The following TRPM1 variants were observed in gnomAD, a reference collection of about 807,000 sequenced individuals.
The protein encoded by TRPM1 is TRPM1-203 APA Isoform, Intron 10.
Under a neutral mutation model 149.4 loss-of-function variants are expected in TRPM1, and 113 were observed. The ratio of observed to expected loss-of-function variants is 0.76; its 90% CI spans 0.65 to 0.88. The LOEUF is 0.88. TRPM1 is among the 40% of genes least tolerant of loss of function. The probability of loss-of-function intolerance (pLI) is 0.00; values close to 1 mark genes in which losing one functional copy is unlikely to be tolerated. For missense variants in TRPM1, 1,976 were observed against 2,038.7 expected, an observed-to-expected ratio of 0.97 and a Z score of 0.59; for synonymous variants, 741 against 759.5, an observed-to-expected ratio of 0.98 and a Z score of 0.40.
At chr15:31,144,120 T>G (rs8033503) in intron 1 of TRPM1, among the ~76,000 whole-genome samples, 22,409 of 152,172 alleles carry the variant, frequency 0.15, 1,856 homozygotes, top group African/African-American at 0.23. Flanking sequence ...GCCTTGGTTC[T>G]GCTTCCTAGT....
At chr15:31,065,254 CT>C in intron 7 of TRPM1, 1 of 413,852 alleles carries the variant, frequency 2.4e-6, no homozygotes, top group Middle Eastern at 4.5e-4. Flanking sequence ...AAATCTACAA[CT>C]TTTCCTAGTA....
intron 7 of TRPM1, 73 bp downstream of exon 7, chr15:31,066,003 A>G (rs2034363330): frequency 6.4e-7 from 1 of 1,551,900 alleles, no homozygotes; most frequent in East Asian, 2.3e-5. Context: ...TGGGCAATCA[A>G]TCTCCTTCTC....
chr15:31,092,183 G>C (rs534983098), intron 1 of TRPM1, among the ~76,000 whole-genome samples: 1 of 152,256 alleles, frequency 6.6e-6, no homozygotes, highest in East Asian at 1.9e-4. Flanking sequence ...GGAGCTCTGG[G>C]GAAAATGCTC....
intron 1 of TRPM1, among the ~76,000 whole-genome samples, chr15:31,131,911 C>G (rs900873138): frequency 7.3e-5 from 11 of 151,552 alleles, no homozygotes; most frequent in African/African-American, 2.2e-4. Flanking sequence ...AAAATGACAG[C>G]TTGGTTAAAA....
At chr15:31,044,228 A>G (rs1198651090) in intron 16 of TRPM1, among the ~76,000 whole-genome samples, 1 of 152,238 alleles carries the variant, frequency 6.6e-6, no homozygotes, top group East Asian at 1.9e-4. Flanking sequence ...AATGCTCAGA[A>G]CAATTTATAC....
chr15:31,073,083 C>G (rs554272607), intron 3 of TRPM1, among the ~76,000 whole-genome samples: 15 of 152,120 alleles, frequency 9.9e-5, no homozygotes, highest in African/African-American at 3.4e-4. Context: ...AATCATTTGC[C>G]AAATCCCAGG....
chr15:31,146,670 T>A (rs1048458899), intron 1 of TRPM1, among the ~76,000 whole-genome samples: 1 of 152,174 alleles, frequency 6.6e-6, no homozygotes, highest in African/African-American at 2.4e-5. Flanking sequence ...GGTCCCTGCA[T>A]TACAAGGAAA....
chr15:31,039,643 A>G (rs138718318), intron 18 of TRPM1, among the ~76,000 whole-genome samples: 1 of 152,208 alleles, frequency 6.6e-6, no homozygotes, highest in African/African-American at 2.4e-5. Flanking sequence ...ACCCTTTCGT[A>G]GCTTCCTATT....
chr15:31,139,795 G>T (rs954727548), intron 1 of TRPM1, among the ~76,000 whole-genome samples: 1 of 152,168 alleles, frequency 6.6e-6, no homozygotes, highest in Non-Finnish European at 1.5e-5. Flanking sequence ...TTGAGATGAT[G>T]GCTAACTTTG....
At chr15:31,133,262 A>T (rs1488083316) in intron 1 of TRPM1, among the ~76,000 whole-genome samples, 1 of 151,180 alleles carries the variant, frequency 6.6e-6, no homozygotes, top group Non-Finnish European at 1.5e-5. Flanking sequence ...AAGTGGCAAA[A>T]ACCTGTCTCT....
chr15:31,139,179 T>C (rs779427657), intron 1 of TRPM1, among the ~76,000 whole-genome samples: 2 of 152,164 alleles, frequency 1.3e-5, no homozygotes, highest in East Asian at 3.8e-4. Flanking sequence ...ATAACTCTTG[T>C]CCCATGAAAA....
intron 27 of TRPM1, among the ~76,000 whole-genome samples, chr15:31,010,825 T>C (rs149251642): frequency 1.3e-5 from 2 of 152,340 alleles, no homozygotes; most frequent in Non-Finnish European, 2.9e-5. Flanking sequence ...ATTTTCTTAA[T>C]GAACTTCTGT....
intron 1 of TRPM1, among the ~76,000 whole-genome samples, chr15:31,088,146 C>T (rs2035053761): frequency 6.6e-6 from 1 of 152,148 alleles, no homozygotes; most frequent in Non-Finnish European, 1.5e-5. Context: ...CCAATCAGCA[C>T]TCTGTGTCTA....
Position 31,031,095 on chromosome 15 carries a change from G to A in TRPM1, c.3015C>T (p.Ala1005=), listed in dbSNP as rs1167506629. The part of the protein sequence containing the change: ...MLVVLMSFGV[A]RQAILHPEEK... ...CCTCTGGATGCAGAATGGCTTGACGGGCTACTCCGAAACTCATGAGCACGA... is the reference window on the plus strand; with the variant it reads ...CCTCTGGATGCAGAATGGCTTGACGAGCTACTCCGAAACTCATGAGCACGA... The change falls in exon 23 of 28, where the codon GCC becomes GCT. Residue 1005 remains alanine (A), a synonymous_variant. Transcript: ENST00000256552. 42 of 1,614,120 alleles carry A rather than the reference G, an allele frequency of 2.6e-5. No individual in the cohort carries two copies. Among genetic ancestry groups the A allele is most frequent in the Non-Finnish European group, 3.5e-5 (41 of 1,180,018 alleles).
chr15:31,014,537 A>G (rs2032291746), intron 27 of TRPM1, among the ~76,000 whole-genome samples: 1 of 152,184 alleles, frequency 6.6e-6, no homozygotes, highest in Non-Finnish European at 1.5e-5. Context: ...AGATCCAGCC[A>G]TTTTGTTTAA....
Position 31,042,228 on chromosome 15 carries a change from C to A in TRPM1, c.1810G>T (p.Ala604Ser). The change falls in exon 17 of 28, where the codon GCT becomes TCT. Residue 604 changes from alanine (A) to serine (S), a missense_variant. By Grantham distance (99) the Ala-to-Ser change is moderately conservative (BLOSUM62 1). Coordinates refer to ENST00000256552, the MANE Select transcript of TRPM1 (RefSeq NM_001252024.2). ...LLGMEDDEPPAKGKKKKKKKK... is the reference protein window; with the variant it reads ...LLGMEDDEPPSKGKKKKKKKK... Reference sequence around the variant, plus strand: ...TTCTTTTTCTTTTTCTTCCCTTTAGCTGGAGGCTCATCATCCTGAGGGGAG... The same window carrying A: ...TTCTTTTTCTTTTTCTTCCCTTTAGATGGAGGCTCATCATCCTGAGGGGAG... The A allele has an allele frequency of 6.3e-7, 1 of 1,582,290 alleles. No homozygotes were observed.
chr15:31,104,052 G>A (rs992270020), upstream of TRPM1, among the ~76,000 whole-genome samples: 3 of 140,934 alleles, frequency 2.1e-5, no homozygotes, highest in Non-Finnish European at 4.6e-5. Context: ...GTGGAGAGAC[G>A]CTGTAAGGTC....
chr15:31,059,110 G>A (rs368790098), intron 11 of TRPM1, among the ~76,000 whole-genome samples: 1 of 152,162 alleles, frequency 6.6e-6, no homozygotes, highest in African/African-American at 2.4e-5. Flanking sequence ...AATTAAACAG[G>A]CAACTATCAA....
intron 1 of TRPM1, among the ~76,000 whole-genome samples, chr15:31,141,646 CA>C (rs551694464): frequency 1.1e-4 from 16 of 146,538 alleles, no homozygotes; most frequent in Non-Finnish European, 2.2e-4. Flanking sequence ...GTCATAATGA[CA>C]GGGGAAAAAA....
Sources: allele counts gnomAD v4.1 joint callset (sites outside exome capture counted in the v4.1 genomes callset), GRCh38; gene constraint gnomAD v4.1.1; transcripts MANE v1.5; gene names NCBI Gene and HGNC (gene_info 2026-07-23, HGNC 2026-07-21).